Variants in NEK1 observed in about 807,000 individuals in gnomAD.
NEK1 encodes the protein NIMA related kinase 1, also known as serine/threonine-protein kinase Nek1.
In NEK1, 137 loss-of-function variants were observed where a neutral mutation model predicts 182.1. The ratio of observed to expected loss-of-function variants is 0.75; its 90% CI spans 0.65 to 0.87. The LOEUF (loss-of-function observed/expected upper bound fraction) is 0.87, where lower values mean the gene tolerates loss of function less well. Ranked by LOEUF, NEK1 falls within the 40% of genes least tolerant of loss-of-function variation. The pLI is 0.00. For missense variants in NEK1, 1,391 were observed against 1,494.4 expected (o/e 0.93, Z 1.14); for synonymous variants, 513 against 492.2 (o/e 1.04, Z -0.56).
chr4:169,421,537 T>C (rs998432692), intron 31 of NEK1, among the ~76,000 whole-genome samples: 2 of 152,156 alleles, frequency 1.3e-5, no homozygotes, highest in African/African-American at 4.8e-5. Context: ...ATTCTTGTGA[T>C]GGTGAGTGAG....
chr4:169,449,034 C>A (rs1741175805), intron 27 of NEK1, among the ~76,000 whole-genome samples: 1 of 152,252 alleles, frequency 6.6e-6, no homozygotes, highest in Non-Finnish European at 1.5e-5. Flanking sequence ...GTCCCACGCC[C>A]ACAGAGCCTT....
chr4:169,406,775 T>C, intron 31 of NEK1, 28 bp from the exon 32 acceptor site: 3 of 1,534,486 alleles, frequency 2.0e-6, no homozygotes, highest in Non-Finnish European at 2.6e-6. Flanking sequence ...AAATTTCTTA[T>C]TAGGAGAAAG....
intron 23 of NEK1, among the ~76,000 whole-genome samples, chr4:169,496,909 T>C (rs1412620682): frequency 1.8e-4 from 27 of 152,288 alleles, no homozygotes; most frequent in Middle Eastern, 3.4e-3. Flanking sequence ...CAGGATGATG[T>C]TGGCCTCATA....
In NEK1 at chr4:169,580,094, T is replaced by C. The variant is rs140141353; in HGVS notation, c.868+748A>G. 9.4e-3 allele frequency among the ~76,000 whole-genome samples: 1,436 copies of C among 152,252 alleles called. 19 individuals are homozygous for C. Among genetic ancestry groups the C allele is most frequent in the African/African-American group, 0.033 (1,352 of 41,546 alleles). ...AACCATATTCACAATCTTACAATGATTCTAATACCACTGGTCACATTGTTT... is the reference window on the plus strand; with the variant it reads ...AACCATATTCACAATCTTACAATGACTCTAATACCACTGGTCACATTGTTT... On this transcript the variant is annotated intron_variant, in intron 11 of 35. Transcript: ENST00000507142.
chr4:169,554,944 T>G (rs1166042683), intron 18 of NEK1: 1 of 152,200 alleles, frequency 6.6e-6, no homozygotes, highest in Non-Finnish European at 1.5e-5. Context: ...CATTTTGCTG[T>G]GAACCCCAAA....
Position 169,605,819 on chromosome 4 carries a change from A to G in NEK1, c.-48-3141T>C, listed in dbSNP as rs143323884. Among the ~76,000 whole-genome samples the G allele has an allele frequency of 3.0e-3, 455 of 152,320 alleles. 2 individuals are homozygous for G. Among genetic ancestry groups the G allele is most frequent in the African/African-American group, 0.01 (427 of 41,578 alleles). ...TAATAATTATATCAATTCAATCTCT[A>G]TAATACATAGCTGATCCTGAAGATA... On this transcript the variant is annotated intron_variant, in intron 2 of 35. Transcript: ENST00000507142.
At chr4:169,562,904 A>G (rs1482685233) in intron 12 of NEK1, among the ~76,000 whole-genome samples, 2 of 152,116 alleles carry the variant, frequency 1.3e-5, no homozygotes, top group Non-Finnish European at 2.9e-5. Context: ...TACAATATAT[A>G]TTCTTTTGTA....
chr4:169,566,705 A>C (rs938802741), intron 12 of NEK1, among the ~76,000 whole-genome samples: 5 of 152,194 alleles, frequency 3.3e-5, no homozygotes, highest in Non-Finnish European at 5.9e-5. Context: ...TTCCTTTTTC[A>C]GGCTTGAAGT....
intron 31 of NEK1, among the ~76,000 whole-genome samples, chr4:169,418,544 T>C (rs1027857056): frequency 4.6e-5 from 7 of 152,082 alleles, no homozygotes; most frequent in Non-Finnish European, 5.9e-5. Context: ...ACGAACATAA[T>C]GTGGAGAGAA....
chr4:169,482,718 C>T (rs543960654), intron 23 of NEK1, among the ~76,000 whole-genome samples: 93 of 151,972 alleles, frequency 6.1e-4, no homozygotes, highest in African/African-American at 2.1e-3. Context: ...GTGAAACCTC[C>T]GCCTCCCTCC....
intron 23 of NEK1, 135 bp from the exon 24 acceptor site, chr4:169,479,669 AAGGC>A (rs1747632079): frequency 2.8e-6 from 2 of 711,854 alleles, no homozygotes; most frequent in African/African-American, 3.7e-5. Flanking sequence ...TCTGTTGAGC[AAGGC>A]ATTATGATGC....
chr4:169,556,486 T>G (rs915942142), intron 16 of NEK1, among the ~76,000 whole-genome samples: 3 of 152,126 alleles, frequency 2.0e-5, no homozygotes, highest in African/African-American at 4.8e-5. Context: ...AGAATTATAT[T>G]TAACAAAAAC....
At chr4:169,474,101 T>C (rs948028964) in intron 26 of NEK1, among the ~76,000 whole-genome samples, 35 of 151,908 alleles carry the variant, frequency 2.3e-4, no homozygotes, top group African/African-American at 8.5e-4. Context: ...AGCAGCCACA[T>C]TAAGGACTTG....
intron 26 of NEK1, among the ~76,000 whole-genome samples, chr4:169,470,930 G>A (rs536356491): frequency 2.0e-5 from 3 of 152,186 alleles, no homozygotes; most frequent in Non-Finnish European, 4.4e-5. Flanking sequence ...TGATACTTGT[G>A]TATGCTTCAC....
chr4:169,594,371 CA>C lies in NEK1; in HGVS notation c.313-3563del, dbSNP rs1449375797. Among the ~76,000 whole-genome samples, 10 of 152,244 alleles carry C rather than the reference CA, an allele frequency of 6.6e-5. No individual in the cohort carries two copies. In the East Asian group the frequency reaches 1.9e-3, roughly 29 times the overall value. ...AAAGGCATGAGCTTTTATTGCCAAACATTATACTAATGGAAAAACTTGAACT... is the reference window on the plus strand; with the variant it reads ...AAAGGCATGAGCTTTTATTGCCAAACTTATACTAATGGAAAAACTTGAACT... On this transcript the variant is annotated intron_variant, in intron 5 of 35. Transcript: ENST00000507142.
chr4:169,538,794 A>G lies in NEK1; in HGVS notation c.1563-883T>C, dbSNP rs547942930. ...AAAGACTTTCTTTGGGACCATAACT[A>G]AATTATGTCCTGAAAATTACATGAA... is the stretch of plus-strand genomic sequence containing the variant. On this transcript the variant is annotated intron_variant, in intron 18 of 35. Coordinates refer to ENST00000507142, the MANE Select transcript of NEK1 (RefSeq NM_001199397.3). 7.2e-5 allele frequency among the ~76,000 whole-genome samples: 11 copies of G among 152,292 alleles called. No homozygotes were observed. In the South Asian group the frequency reaches 2.3e-3, roughly 32 times the overall value.
At chr4:169,562,085 T>C in intron 13 of NEK1, 52 bp downstream of exon 13, 1 of 1,389,280 alleles carries the variant, frequency 7.2e-7, no homozygotes, top group South Asian at 1.3e-5. Context: ...TTGTTTCTTT[T>C]TTAAAATTAT....
intron 28 of NEK1, among the ~76,000 whole-genome samples, chr4:169,435,999 G>T (rs1029925610): frequency 5.9e-5 from 9 of 152,120 alleles, no homozygotes; most frequent in African/African-American, 1.7e-4. Context: ...AAACTCTTGG[G>T]CTCAAGTGAT....
At chr4:169,404,726 C>G (rs919156498) in intron 32 of NEK1, among the ~76,000 whole-genome samples, 2 of 152,024 alleles carry the variant, frequency 1.3e-5, no homozygotes, top group African/African-American at 4.8e-5. Context: ...GTTGAGAGGG[C>G]TGACCAACAC....
Sources: gnomAD v4.1 joint callset for allele counts (sites outside exome capture counted in the v4.1 genomes callset) on GRCh38, gnomAD v4.1.1 for gene constraint, MANE v1.5 for transcripts, NCBI Gene and HGNC (gene_info 2026-07-23, HGNC 2026-07-21) for gene names.